The following PPP2R2B variants were observed in gnomAD, a reference collection of about 807,000 sequenced individuals.
The protein encoded by PPP2R2B is protein phosphatase 2 regulatory subunit Bbeta.
A neutral mutation model predicts 46.0 loss-of-function variants in PPP2R2B; 5 were observed. The ratio of observed to expected loss-of-function variants is 0.11; its 90% CI spans 0.06 to 0.23. The LOEUF is 0.23. PPP2R2B is among the 10% of genes least tolerant of loss of function. The pLI is 1.00. For missense variants in PPP2R2B, 367 were observed against 575.0 expected (o/e 0.64, Z 3.70); for synonymous variants, 215 against 206.7 (o/e 1.04, Z -0.34).
At chr5:146,650,426 A>C (rs895862143) in intron 6 of PPP2R2B, 121 bp downstream of exon 6, 2 of 864,124 alleles carry the variant, frequency 2.3e-6, no homozygotes, top group African/African-American at 1.7e-5. Context: ...GTATTTTAAA[A>C]GGGGCAAGTT....
Position 146,669,918 on chromosome 5 carries a change from A to G in PPP2R2B, c.448-19194T>C, listed in dbSNP as rs147784186. On this transcript the variant is annotated intron_variant, in intron 5 of 9. Coordinates refer to ENST00000394411, the MANE Select transcript of PPP2R2B (RefSeq NM_181675.4). ...TATATTTCCAGTATAAAGAAGATTT[A>G]TGGATTATCTAGATCTTTAAACATG... is the stretch of plus-strand genomic sequence containing the variant. 3.0e-3 allele frequency among the ~76,000 whole-genome samples: 454 copies of G among 152,314 alleles called. 2 individuals are homozygous for G. Among genetic ancestry groups the G allele is most frequent in the African/African-American group, 0.011 (445 of 41,582 alleles).
At chr5:146,937,510 A>G (rs1243362483) in intron 1 of PPP2R2B, among the ~76,000 whole-genome samples, 2 of 152,146 alleles carry the variant, frequency 1.3e-5, no homozygotes, top group Non-Finnish European at 2.9e-5. Flanking sequence ...CTGTGGGTCC[A>G]CAGAGAGGAG....
At chr5:147,062,616 A>G (rs951596648) in intron 2 of PPP2R2B, among the ~76,000 whole-genome samples, 1 of 152,066 alleles carries the variant, frequency 6.6e-6, no homozygotes, top group Non-Finnish European at 1.5e-5. Context: ...TCCTTCCCTC[A>G]GGCTGTCCCA....
intron 2 of PPP2R2B, among the ~76,000 whole-genome samples, chr5:147,061,555 C>T (rs989957546): frequency 1.3e-5 from 2 of 152,288 alleles, no homozygotes; most frequent in Non-Finnish European, 1.5e-5. Context: ...CTTTCTCGCT[C>T]ATTGCATCCC....
chr5:146,798,863 C>T (rs1397400870), intron 2 of PPP2R2B, among the ~76,000 whole-genome samples: 1 of 152,206 alleles, frequency 6.6e-6, no homozygotes, highest in East Asian at 1.9e-4. Context: ...CCATGTCTGT[C>T]TGACCTCAGA....
At chr5:147,033,767 A>G (rs1755904814) in intron 1 of PPP2R2B, among the ~76,000 whole-genome samples, 1 of 152,094 alleles carries the variant, frequency 6.6e-6, no homozygotes, top group Admixed American at 6.6e-5. Context: ...TCTGCCTCCA[A>G]AATAATTGAT....
At chr5:146,707,536 G>A in intron 2 of PPP2R2B, 1 of 725,092 alleles carries the variant, frequency 1.4e-6, no homozygotes, top group South Asian at 1.4e-5. Context: ...TGTAGGAGCA[G>A]CTGCAGAAGG....
chr5:146,952,306 T>G (rs974465635), intron 1 of PPP2R2B, among the ~76,000 whole-genome samples: 1 of 152,086 alleles, frequency 6.6e-6, no homozygotes, highest in African/African-American at 2.4e-5. Context: ...TTTTTTTTTC[T>G]CCATCCATTC....
intron 1 of PPP2R2B, among the ~76,000 whole-genome samples, chr5:146,929,230 A>G (rs1763886908): frequency 6.6e-6 from 1 of 151,956 alleles, no homozygotes; most frequent in African/African-American, 2.4e-5. Context: ...TGATTTACTT[A>G]TTTCCTATCC....
intron 1 of PPP2R2B, among the ~76,000 whole-genome samples, chr5:146,907,221 A>G (rs916417098): frequency 6.0e-5 from 9 of 149,960 alleles, no homozygotes; most frequent in Non-Finnish European, 1.3e-4. Flanking sequence ...TTTTTTTTCC[A>G]TCAGCAGATG....
rs180839268 is a variant in PPP2R2B, at chr5:146,602,815, G to A, written c.791-2355C>T. ...TTACAGCCTCTGACCCAATGTCTTA[G>A]TCTCTGCCCTCAGCTTTTGGGCTTC... On this transcript the variant is annotated intron_variant, in intron 7 of 9. Coordinates refer to ENST00000394411, the MANE Select transcript of PPP2R2B (RefSeq NM_181675.4). Among the ~76,000 whole-genome samples, 38 of 152,312 alleles carry A rather than the reference G, an allele frequency of 2.5e-4. No individual in the cohort carries two copies. In the East Asian group the frequency reaches 7.1e-3, roughly 29 times the overall value.
At chr5:146,687,025 A>G (rs373341259) in intron 5 of PPP2R2B, among the ~76,000 whole-genome samples, 18 of 138,980 alleles carry the variant, frequency 1.3e-4, no homozygotes, top group African/African-American at 4.0e-4. Flanking sequence ...GTGTGTGTGT[A>G]TGTGTGTGTG....
intron 5 of PPP2R2B, among the ~76,000 whole-genome samples, chr5:146,670,150 C>T (rs1777254084): frequency 6.6e-6 from 1 of 152,164 alleles, no homozygotes; most frequent in South Asian, 2.1e-4. Flanking sequence ...ATATCCTTGG[C>T]ATCCAGGACA....
At chr5:146,866,701 T>C (rs1056343334) in intron 2 of PPP2R2B, among the ~76,000 whole-genome samples, 2 of 152,144 alleles carry the variant, frequency 1.3e-5, no homozygotes, top group Non-Finnish European at 2.9e-5. Flanking sequence ...TAGTATACCA[T>C]AGATACATAA....
intron 1 of PPP2R2B, among the ~76,000 whole-genome samples, chr5:147,023,516 AAAAAGT>A (rs1400510791): frequency 6.6e-6 from 1 of 152,198 alleles, no homozygotes; most frequent in Admixed American, 6.5e-5. Flanking sequence ...AAACATAGGT[AAAAAGT>A]AAAAGGACAG....
chr5:146,980,611 G>C (rs1486271182), intron 1 of PPP2R2B, among the ~76,000 whole-genome samples: 2 of 152,192 alleles, frequency 1.3e-5, no homozygotes, highest in Admixed American at 6.5e-5. Flanking sequence ...TGTGGAACTA[G>C]ATGGGCTGGG....
At chr5:146,984,047 G>A (rs1246503670) in intron 1 of PPP2R2B, among the ~76,000 whole-genome samples, 1 of 152,050 alleles carries the variant, frequency 6.6e-6, no homozygotes, top group Non-Finnish European at 1.5e-5. Flanking sequence ...AATCAAATTA[G>A]TTAACATATC....
intron 2 of PPP2R2B, among the ~76,000 whole-genome samples, chr5:146,802,737 A>G (rs1313641588): frequency 3.3e-5 from 5 of 152,296 alleles, no homozygotes; most frequent in African/African-American, 1.2e-4. Context: ...ACTCCATATC[A>G]TGGTGGGGAT....
chr5:147,049,301 GT>G (rs1756688121), intron 1 of PPP2R2B, among the ~76,000 whole-genome samples: 1 of 152,124 alleles, frequency 6.6e-6, no homozygotes, highest in Non-Finnish European at 1.5e-5. Context: ...TGGCTCCAAT[GT>G]TTTTGTCGAG....
Sources: gnomAD v4.1 joint callset for allele counts (sites outside exome capture counted in the v4.1 genomes callset) on GRCh38, gnomAD v4.1.1 for gene constraint, MANE v1.5 for transcripts, NCBI Gene and HGNC (gene_info 2026-07-23, HGNC 2026-07-21) for gene names.